EPHB2: variants seen among roughly 807,000 people sequenced by gnomAD.
The protein encoded by EPHB2 is EPH receptor B2.
Under a neutral mutation model 96.4 loss-of-function variants are expected in EPHB2, and 18 were observed. The ratio of observed to expected loss-of-function variants is 0.19; its 90% confidence interval spans 0.13 to 0.28. EPHB2 has a LOEUF of 0.28. EPHB2 is among the 10% of genes least tolerant of loss of function. The pLI is 1.00. For missense variants in EPHB2, 989 were observed against 1,355.4 expected, an observed-to-expected ratio of 0.73 and a Z score of 4.25; for synonymous variants, 506 against 534.1, an observed-to-expected ratio of 0.95 and a Z score of 0.72.
chr1:22,825,598 AC>A (rs1645211438), intron 3 of EPHB2, among the ~76,000 whole-genome samples: 1 of 152,030 alleles, frequency 6.6e-6, no homozygotes, highest in Non-Finnish European at 1.5e-5. Flanking sequence ...TGCTCTCTGA[AC>A]CCCCTCATGC....
chr1:22,872,818 G>T (rs16827697), intron 5 of EPHB2, among the ~76,000 whole-genome samples: 1 of 152,194 alleles, frequency 6.6e-6, no homozygotes, highest in South Asian at 2.1e-4. Flanking sequence ...TGGCATGAAC[G>T]TGTACTCACC....
Position 22,864,918 on chromosome 1 carries a change from G to A in EPHB2, c.1009G>A (p.Glu337Lys). The change falls in exon 5 of 16, where the codon GAG becomes AAG. Residue 337 changes from glutamate (E) to lysine (K), a missense_variant. Glu to Lys is a moderately conservative substitution (Grantham distance 56). Transcript: ENST00000374630. The part of the protein sequence containing the change: ...APQAVISSVN[E>K]TSLMLEWTPP... ...CCAGGCTGTGATTTCCAGTGTCAAT[G>A]AGACCTCCCTCATGCTGGAGTGGAC... 6.2e-7 allele frequency: 1 copy of A among 1,608,202 alleles called. No individual in the cohort carries two copies. The highest frequency in any genetic ancestry group is 8.5e-7 in the Non-Finnish European group (1 of 1,177,496).
At chr1:22,888,737 T>C (rs1639302850) in intron 6 of EPHB2, among the ~76,000 whole-genome samples, 1 of 152,200 alleles carries the variant, frequency 6.6e-6, no homozygotes, top group East Asian at 1.9e-4. Context: ...AAATTTTATC[T>C]TCACAACAGC....
chr1:22,850,564 G>A (rs1379270666), intron 3 of EPHB2, among the ~76,000 whole-genome samples: 2 of 152,180 alleles, frequency 1.3e-5, no homozygotes, highest in African/African-American at 2.4e-5. Flanking sequence ...ACTTCCCCTC[G>A]GGCACATCGT....
chr1:22,728,712 C>G (rs553914773), intron 1 of EPHB2, among the ~76,000 whole-genome samples: 1 of 152,182 alleles, frequency 6.6e-6, no homozygotes, highest in Non-Finnish European at 1.5e-5. Context: ...TTCCCATGGC[C>G]GACAACTCTA....
intron 3 of EPHB2, among the ~76,000 whole-genome samples, chr1:22,826,091 G>A (rs1260772775): frequency 1.3e-5 from 2 of 152,222 alleles, no homozygotes; most frequent in Non-Finnish European, 2.9e-5. Context: ...CAGATTCTGA[G>A]CAGGAGAGTA....
intron 1 of EPHB2, among the ~76,000 whole-genome samples, chr1:22,752,489 AATAATAATAAAAT>A (rs1390008281): frequency 1.3e-4 from 19 of 151,734 alleles, no homozygotes; most frequent in South Asian, 4.1e-4. Context: ...TCAAAGAAAG[AATAATAATAAAAT>A]ATAATAATAA....
intron 12 of EPHB2, 58 bp from the exon 13 acceptor site, chr1:22,908,964 A>G: frequency 1.2e-6 from 2 of 1,609,012 alleles, no homozygotes; most frequent in Non-Finnish European, 1.7e-6. Flanking sequence ...GAGGATTAAG[A>G]GAAGAGGTCA....
At chr1:22,744,742 G>T (rs1168305739) in intron 1 of EPHB2, among the ~76,000 whole-genome samples, 1 of 149,508 alleles carries the variant, frequency 6.7e-6, no homozygotes, top group African/African-American at 2.5e-5. Context: ...TGTAGTCTCA[G>T]CTATTTGGGA....
chr1:22,847,534 G>A (rs901447091), intron 3 of EPHB2, among the ~76,000 whole-genome samples: 2 of 152,208 alleles, frequency 1.3e-5, no homozygotes, highest in Non-Finnish European at 2.9e-5. Flanking sequence ...AAGGAAACAG[G>A]AAAGCTTTGA....
chr1:22,879,350 A>G (rs766348439), intron 5 of EPHB2, among the ~76,000 whole-genome samples: 23 of 152,222 alleles, frequency 1.5e-4, no homozygotes, highest in Non-Finnish European at 3.4e-4. Context: ...GTGACACTCC[A>G]GAAGGGCCTT....
chr1:22,730,905 G>A (rs1268634121), intron 1 of EPHB2, among the ~76,000 whole-genome samples: 1 of 152,104 alleles, frequency 6.6e-6, no homozygotes, highest in Non-Finnish European at 1.5e-5. Flanking sequence ...ACAGAGCAGG[G>A]GACAGGAAGA....
At chr1:22,809,498 A>G (rs1010432506) in intron 3 of EPHB2, among the ~76,000 whole-genome samples, 3 of 152,232 alleles carry the variant, frequency 2.0e-5, no homozygotes, top group African/African-American at 7.2e-5. Flanking sequence ...TATATGTTAT[A>G]TACATACTCA....
chr1:22,811,719 C>T (rs1645004755), intron 3 of EPHB2, among the ~76,000 whole-genome samples: 1 of 152,202 alleles, frequency 6.6e-6, no homozygotes, highest in South Asian at 2.1e-4. Flanking sequence ...GGGAGGGAGC[C>T]TGCAGAGTCA....
At chr1:22,900,016 G>A (rs376086020) in intron 9 of EPHB2, among the ~76,000 whole-genome samples, 34 of 149,398 alleles carry the variant, frequency 2.3e-4, no homozygotes, top group African/African-American at 6.7e-4. Context: ...AAATAAGGCC[G>A]GGTGCGGTAG....
chr1:22,899,299 C>T (rs1316454237), intron 9 of EPHB2, among the ~76,000 whole-genome samples: 1 of 150,870 alleles, frequency 6.6e-6, no homozygotes, highest in African/African-American at 2.4e-5. Flanking sequence ...GTCGGGAGTT[C>T]AAGACCAGCC....
chr1:22,788,733 T>G (rs2493343), intron 3 of EPHB2, among the ~76,000 whole-genome samples: 1 of 144,988 alleles, frequency 6.9e-6, no homozygotes, highest in East Asian at 2.0e-4. Flanking sequence ...TTTTGTTTTG[T>G]TTTTTTGTCT....
intron 13 of EPHB2, among the ~76,000 whole-genome samples, chr1:22,909,708 C>T (rs778419790): frequency 2.0e-5 from 3 of 152,066 alleles, no homozygotes; most frequent in East Asian, 1.9e-4. Flanking sequence ...TTGGCTAATG[C>T]GGGGTTGAAG....
chr1:22,896,513 G>A (rs2124008994), intron 9 of EPHB2, 35 bp downstream of exon 9: 1 of 1,613,602 alleles, frequency 6.2e-7, no homozygotes, highest in Non-Finnish European at 8.5e-7. Context: ...GAACCCTTGG[G>A]CCCTTCACTG....
Sources: gnomAD v4.1 joint callset for allele counts (sites outside exome capture counted in the v4.1 genomes callset) on GRCh38, gnomAD v4.1.1 for gene constraint, MANE v1.5 for transcripts, NCBI Gene and HGNC (gene_info 2026-07-23, HGNC 2026-07-21) for gene names.